Variants in KLHL18 observed in about 807,000 individuals in gnomAD.
KLHL18 encodes the protein kelch-like protein 18.
KLHL18 carries 38 observed loss-of-function variants against 58.5 expected under a neutral mutation model. That is an observed-to-expected ratio of 0.65 (90% CI 0.50 to 0.85). The LOEUF (loss-of-function observed/expected upper bound fraction) is 0.85, where lower values mean the gene tolerates loss of function less well. KLHL18 is among the 40% of genes least tolerant of loss of function. The pLI, the probability that KLHL18 is intolerant of heterozygous loss-of-function variation, is 0.00. For synonymous variants in KLHL18, 303 were observed against 301.9 expected (o/e 1.00, Z -0.04); for missense variants, 624 against 778.4 (o/e 0.80, Z 2.36).
In KLHL18 at chr3:47,343,809, C is replaced by G. The variant is rs767615464; in HGVS notation, c.1593C>G (p.Gly531=). The change falls in exon 10 of 10, where the codon GGC becomes GGG. Residue 531 remains glycine, a synonymous_variant. Transcript: ENST00000232766. ...ASCGRLYAVG[G]YDGQSNLSSV... ...GTGGGCGCCTCTACGCTGTTGGGGGCTACGACGGACAGTCAAACCTAAGCT... is the reference window on the plus strand; with the variant it reads ...GTGGGCGCCTCTACGCTGTTGGGGGGTACGACGGACAGTCAAACCTAAGCT... 9 of 1,614,090 alleles carry G rather than the reference C, an allele frequency of 5.6e-6. No individual in the cohort carries two copies. Among genetic ancestry groups the G allele is most frequent in the Non-Finnish European group, 7.6e-6 (9 of 1,180,052 alleles).
intron 1 of KLHL18, among the ~76,000 whole-genome samples, chr3:47,311,615 C>T (rs1447690879): frequency 1.3e-5 from 2 of 152,080 alleles, no homozygotes; most frequent in Non-Finnish European, 2.9e-5. Context: ...TCACTTGAAC[C>T]CGAGAGGCGG....
chr3:47,305,210 C>T (rs1202046117), intron 1 of KLHL18, among the ~76,000 whole-genome samples: 4 of 151,620 alleles, frequency 2.6e-5, no homozygotes, highest in Non-Finnish European at 5.9e-5. Context: ...TAGGGGTGAG[C>T]GTTCAGTGTT....
intron 1 of KLHL18, among the ~76,000 whole-genome samples, chr3:47,317,816 A>G (rs1703491435): frequency 6.6e-6 from 1 of 152,172 alleles, no homozygotes; most frequent in African/African-American, 2.4e-5. Flanking sequence ...TTAATCTTCC[A>G]TAATAGGAAT....
At chr3:47,293,948 A>G (rs765934923) in intron 1 of KLHL18, among the ~76,000 whole-genome samples, 7 of 152,166 alleles carry the variant, frequency 4.6e-5, no homozygotes, top group Admixed American at 6.5e-5. Flanking sequence ...AACTATTTAT[A>G]GTGTTGTAAC....
intron 1 of KLHL18, among the ~76,000 whole-genome samples, chr3:47,309,700 C>T (rs931492028): frequency 6.6e-6 from 1 of 152,236 alleles, no homozygotes; most frequent in Admixed American, 6.5e-5. Context: ...TGCACTCCAG[C>T]CTGGGCAACA....
chr3:47,324,094 A>G (rs1221005408), intron 3 of KLHL18, among the ~76,000 whole-genome samples: 1 of 152,022 alleles, frequency 6.6e-6, no homozygotes, highest in Non-Finnish European at 1.5e-5. Flanking sequence ...AAGACCTTGT[A>G]GTAAGAGTAA....
chr3:47,345,879 T>A lies in KLHL18; in HGVS notation c.*1938T>A, dbSNP rs1401938785. 1.3e-5 allele frequency: 2 copies of A among 152,612 alleles called. No homozygotes were observed. Among genetic ancestry groups the A allele is most frequent in the African/African-American group, 4.8e-5 (2 of 41,434 alleles). 9.5% of individuals were successfully genotyped at this position (152,612 alleles called of 1,614,324 possible). ...TTACCTACAACTTAGGAGCTAGGCC[T>A]CTGCTACAAGCACTTGAAAATGATA... On this transcript the variant is annotated 3_prime_UTR_variant, in exon 10 of 10. Coordinates refer to ENST00000232766, the MANE Select transcript of KLHL18 (RefSeq NM_025010.5).
chr3:47,318,838 T>A (rs1174660472), intron 1 of KLHL18, among the ~76,000 whole-genome samples: 3 of 152,148 alleles, frequency 2.0e-5, no homozygotes, highest in Non-Finnish European at 4.4e-5. Context: ...TCTTCCAACC[T>A]CAATCCTTGG....
At chr3:47,340,411 G>A (rs967233013) in intron 7 of KLHL18, 161 bp from the exon 8 acceptor site, 3 of 471,912 alleles carry the variant, frequency 6.4e-6, no homozygotes, top group African/African-American at 6.3e-5. Flanking sequence ...GAGGAATGAT[G>A]GGGCAGCTTC....
intron 1 of KLHL18, among the ~76,000 whole-genome samples, chr3:47,316,557 A>G (rs62248944): frequency 0.1 from 345 of 3,436 alleles, 60 homozygotes; most frequent in East Asian, 0.71. Flanking sequence ...ACATATATAC[A>G]TATATATGTA....
At chr3:47,328,308 A>C (rs1292499217) in intron 3 of KLHL18, among the ~76,000 whole-genome samples, 1 of 151,448 alleles carries the variant, frequency 6.6e-6, no homozygotes, top group African/African-American at 2.4e-5. Flanking sequence ...CAAGGCTATC[A>C]TGAGCCATAA....
At position 47,309,420 on chromosome 3, in the gene KLHL18, C is replaced by T. The variant is rs577524472; in HGVS notation, c.130-10233C>T. On this transcript the variant is annotated intron_variant, in intron 1 of 9. Transcript: ENST00000232766. ...ATGCTCCTCACCTTCCAGATGGGGT[C>T]GCGGCCGGGCAGAGGCGCTCCTCAC... is the stretch of plus-strand genomic sequence containing the variant. Among the ~76,000 whole-genome samples the T allele has an allele frequency of 6.5e-4, 97 of 150,308 alleles. 1 individual carries two copies. Among genetic ancestry groups the T allele is most frequent in the African/African-American group, 2.3e-3 (94 of 40,770 alleles).
chr3:47,322,829 A>C (rs973142054), intron 3 of KLHL18, 121 bp downstream of exon 3: 2 of 909,708 alleles, frequency 2.2e-6, no homozygotes, highest in African/African-American at 3.4e-5. Flanking sequence ...TGGAAAGGTT[A>C]TTCTGCAGCA....
rs188398790 is a variant in KLHL18 at position 47,305,940 on chromosome 3, A to G, written c.130-13713A>G. Among the ~76,000 whole-genome samples the G allele has an allele frequency of 5.1e-4, 77 of 152,070 alleles. No homozygotes were observed. In the East Asian group the frequency reaches 0.015, roughly 29 times the overall value. On this transcript the variant is annotated intron_variant, in intron 1 of 9. Transcript: ENST00000232766. ...GATTGCGGGGTCTGTAGTATTATCGACTGTTTCATTCCTGTATTGGTGATT... is the reference window on the plus strand; with the variant it reads ...GATTGCGGGGTCTGTAGTATTATCGGCTGTTTCATTCCTGTATTGGTGATT...
chr3:47,321,574 TC>T (rs1703590137), intron 2 of KLHL18, among the ~76,000 whole-genome samples: 1 of 152,108 alleles, frequency 6.6e-6, no homozygotes, highest in African/African-American at 2.4e-5. Context: ...GGTCTCGAGC[TC>T]CTGACCTCAG....
chr3:47,327,030 G>A (rs1703740228), intron 3 of KLHL18, among the ~76,000 whole-genome samples: 3 of 152,112 alleles, frequency 2.0e-5, no homozygotes, highest in African/African-American at 7.2e-5. Flanking sequence ...CCTGAGGTCA[G>A]TAGTTGGAGA....
chr3:47,318,526 A>G (rs1315129153), intron 1 of KLHL18, among the ~76,000 whole-genome samples: 1 of 152,194 alleles, frequency 6.6e-6, no homozygotes, highest in African/African-American at 2.4e-5. Flanking sequence ...GGGACTGCAC[A>G]AGGGTGTAAA....
At chr3:47,289,441 GCTA>G (rs1702744484) in intron 1 of KLHL18, among the ~76,000 whole-genome samples, 1 of 152,182 alleles carries the variant, frequency 6.6e-6, no homozygotes, top group African/African-American at 2.4e-5. Flanking sequence ...GGCTTCAAGA[GCTA>G]CACATTTGAA....
intron 4 of KLHL18, among the ~76,000 whole-genome samples, chr3:47,332,718 T>C (rs1350292714): frequency 6.6e-6 from 1 of 151,862 alleles, no homozygotes; most frequent in Admixed American, 6.6e-5. Context: ...AACATGGATC[T>C]AGAGCCAGGC....
Sources: allele counts gnomAD v4.1 joint callset (sites outside exome capture counted in the v4.1 genomes callset), GRCh38; gene constraint gnomAD v4.1.1; transcripts MANE v1.5; gene names NCBI Gene and HGNC (gene_info 2026-07-23, HGNC 2026-07-21).